DLEU7: variants seen among roughly 807,000 people sequenced by gnomAD.
DLEU7 encodes leukemia-associated protein 7.
In DLEU7, 17 loss-of-function variants were observed where a neutral mutation model predicts 16.0. The observed-to-expected ratio is 1.06, with a 90% confidence interval of 0.73 to 1.59. The LOEUF is 1.59. DLEU7 is among the 40% of genes most tolerant of loss of function. The pLI, the probability that DLEU7 is intolerant of heterozygous loss-of-function variation, is 0.00. For synonymous variants in DLEU7, 113 were observed against 139.8 expected (o/e 0.81, Z 1.35); for missense variants, 308 against 314.9 (o/e 0.98, Z 0.17).
At position 50,843,060 on chromosome 13, in the gene DLEU7, G is replaced by A; in HGVS notation, c.459+128C>T. The A allele has an allele frequency of 2.1e-6, 2 of 958,432 alleles. No individual in the cohort carries two copies. Among genetic ancestry groups the A allele is most frequent in the Non-Finnish European group, 2.9e-6 (2 of 683,440 alleles). The allele number at this position is 958,432 out of a possible 1,614,324, so 59.4% of individuals were successfully genotyped here. ...CCCCGCCCCCTTCCTTCTCCCACTGGGGCTGAATCACAGTGGGCAGCAGTG... is the reference window on the plus strand; with the variant it reads ...CCCCGCCCCCTTCCTTCTCCCACTGAGGCTGAATCACAGTGGGCAGCAGTG... On this transcript the variant is annotated intron_variant, in intron 1 of 1. Transcript: ENST00000504404. The surrounding 1 kb of genome is among the most constrained non-coding windows in gnomAD (Gnocchi z 5.7).
chr13:50,843,444 C>A lies in DLEU7; in HGVS notation c.203G>T (p.Arg68Leu). 1 of 1,325,478 alleles carries A rather than the reference C, an allele frequency of 7.5e-7. No individual in the cohort carries two copies. Among genetic ancestry groups the A allele is most frequent in the South Asian group, 2.2e-5 (1 of 45,656 alleles). The allele number at this position is 1,325,478 out of a possible 1,614,324, so 82.1% of individuals were successfully genotyped here. A position where few individuals can be genotyped will look rare whatever the true frequency, so the allele number is the denominator to read the frequency against. ...ACTCCTGGTCCCCACGCCCCCGCCC[C>A]GCTCCTCGCGCCCGGGCCCCGGCCG... The part of the protein sequence containing the change: ...RARPGPGREE[R>L]GGGVGTRSRR... The change falls in exon 1 of 2, where the codon CGG (arginine) becomes CTG (leucine). Residue 68 changes from arginine to leucine, a missense_variant. Physicochemically the swap from Arg to Leu is moderately radical, Grantham distance 102 (BLOSUM62 -2). Transcript: ENST00000504404. The surrounding 1 kb of genome is among the most constrained non-coding windows in gnomAD (Gnocchi z 5.7).
intron 1 of DLEU7, among the ~76,000 whole-genome samples, chr13:50,760,771 G>A (rs888063477): frequency 6.6e-6 from 1 of 152,116 alleles, no homozygotes; most frequent in Admixed American, 6.5e-5. Flanking sequence ...TTCATATATT[G>A]TTTATAAATT....
chr13:50,823,552 T>C (rs1487482938), intron 1 of DLEU7, 32 bp from the exon 2 acceptor site: 2 of 1,533,606 alleles, frequency 1.3e-6, no homozygotes, highest in Middle Eastern at 1.7e-4. Flanking sequence ...AACAAGAAAT[T>C]AGATAGGTTA....
chr13:50,719,640 T>C (rs912158783), intron 1 of DLEU7: 6 of 152,202 alleles, frequency 3.9e-5, no homozygotes, highest in Admixed American at 2.6e-4. Context: ...CTCTTTTCTC[T>C]GTGTAGGTTT....
chr13:50,792,586 T>G (rs1175394560), intron 1 of DLEU7, among the ~76,000 whole-genome samples: 1 of 151,968 alleles, frequency 6.6e-6, no homozygotes, highest in Non-Finnish European at 1.5e-5. Context: ...TCTCTTCTTC[T>G]CTATTCACTT....
chr13:50,738,810 T>C (rs1874157094), intron 1 of DLEU7, among the ~76,000 whole-genome samples: 1 of 152,058 alleles, frequency 6.6e-6, no homozygotes, highest in Admixed American at 6.6e-5. Flanking sequence ...GTATCTGAGG[T>C]GTACTGTGTT....
chr13:50,823,158 G>A lies in DLEU7; in HGVS notation c.*156C>T. 1 of 1,422,982 alleles carries A rather than the reference G, an allele frequency of 7.0e-7. No individual in the cohort carries two copies. The highest frequency in any genetic ancestry group is 1.6e-5 in the South Asian group (1 of 63,554). The allele number at this position is 1,422,982 out of a possible 1,614,324, so 88.1% of individuals were successfully genotyped here. On this transcript the variant is annotated 3_prime_UTR_variant, in exon 2 of 2. Transcript: ENST00000504404. ...TCATTAACATGCTATAATCCCGAAG[G>A]CTACAGATGCCACTGGTCAGACTGC...
At chr13:50,795,238 G>A (rs7996996) in intron 1 of DLEU7, among the ~76,000 whole-genome samples, 64,026 of 151,836 alleles carry the variant, frequency 0.42, 13,793 homozygotes, top group African/African-American at 0.52. Context: ...ATTTTTTTCA[G>A]CCAAACAGAT....
chr13:50,782,280 A>G (rs896246528), intron 1 of DLEU7, among the ~76,000 whole-genome samples: 1 of 152,214 alleles, frequency 6.6e-6, no homozygotes, highest in Non-Finnish European at 1.5e-5. Context: ...AACAAAAGCC[A>G]TTTCCAATAA....
In DLEU7 at chr13:50,823,024, A is replaced by G. The variant is rs1340869338; in HGVS notation, c.*290T>C. On this transcript the variant is annotated 3_prime_UTR_variant, in exon 2 of 2. Coordinates refer to ENST00000504404, the MANE Select transcript of DLEU7 (RefSeq NM_001306135.2). ...ATAAAAACTAATAATATGAATAAATATATACATACATAATCAAATCAGCTT... is the reference window on the plus strand; with the variant it reads ...ATAAAAACTAATAATATGAATAAATGTATACATACATAATCAAATCAGCTT... 1.0e-6 allele frequency: 1 copy of G among 975,464 alleles called. No homozygotes were observed. Among genetic ancestry groups the G allele is most frequent in the Non-Finnish European group, 1.3e-6 (1 of 787,642 alleles). 60.4% of individuals were successfully genotyped at this position (975,464 alleles called of 1,614,324 possible). A position where few individuals can be genotyped will look rare whatever the true frequency, so the allele number is the denominator to read the frequency against.
intron 1 of DLEU7, among the ~76,000 whole-genome samples, chr13:50,739,537 C>G (rs915988175): frequency 2.0e-5 from 3 of 152,146 alleles, no homozygotes; most frequent in South Asian, 2.1e-4. Context: ...AGAAGAGAAA[C>G]AGAGACATGG....
intron 1 of DLEU7, among the ~76,000 whole-genome samples, chr13:50,716,031 G>A (rs1413299132): frequency 6.6e-6 from 1 of 152,234 alleles, no homozygotes; most frequent in African/African-American, 2.4e-5. Context: ...GACTGAACTG[G>A]ACCTTCAAGA....
chr13:50,802,098 G>A (rs1876265031), intron 1 of DLEU7, among the ~76,000 whole-genome samples: 1 of 79,240 alleles, frequency 1.3e-5, no homozygotes, highest in Non-Finnish European at 2.2e-5. Context: ...AAGGCAAAAT[G>A]AACAAGGGAG....
At position 50,760,401 on chromosome 13, in the gene DLEU7, G is replaced by T. The variant is rs140386096; in HGVS notation, c.460-47161C>A. 3.7e-3 allele frequency among the ~76,000 whole-genome samples: 566 copies of T among 152,212 alleles called. 16 individuals carry two copies. The East Asian group carries it at 0.052, about 14-fold the overall frequency. ...GGCAGGGACAGGGTCTCACTCTGTT[G>T]CCCAGGCTGGAGTTCACTGGCATGA... On this transcript the variant is annotated intron_variant, in intron 1 of 1. Coordinates refer to the DLEU7 transcript ENST00000400393.
At chr13:50,835,978 T>A (rs1877444944) in intron 1 of DLEU7, among the ~76,000 whole-genome samples, 1 of 152,160 alleles carries the variant, frequency 6.6e-6, no homozygotes, top group Non-Finnish European at 1.5e-5. Context: ...GATAATAAAG[T>A]CAAAAACCCA....
intron 1 of DLEU7, among the ~76,000 whole-genome samples, chr13:50,761,303 G>A (rs899169057): frequency 6.6e-6 from 1 of 152,136 alleles, no homozygotes; most frequent in East Asian, 1.9e-4. Context: ...CGGCAGCAGT[G>A]GTTTGTCAAA....
At chr13:50,713,058 C>T (rs1873341312) in exon 2 of DLEU7, 2 of 718,028 alleles carry the variant, frequency 2.8e-6, no homozygotes, top group African/African-American at 1.8e-5. Context: ...CCACAGAGAC[C>T]ATGCAATTGG....
At chr13:50,717,680 C>G (rs1405364181) in intron 1 of DLEU7, among the ~76,000 whole-genome samples, 2 of 151,830 alleles carry the variant, frequency 1.3e-5, no homozygotes, top group Non-Finnish European at 2.9e-5. Flanking sequence ...ACACCTAGCC[C>G]TAATGCCAAG....
chr13:50,791,028 C>A (rs981467088), intron 1 of DLEU7, among the ~76,000 whole-genome samples: 3 of 152,088 alleles, frequency 2.0e-5, no homozygotes, highest in Admixed American at 2.0e-4. Flanking sequence ...TGTAAGAAGA[C>A]CGAGTGGGCG....
Sources: allele counts gnomAD v4.1 joint callset (sites outside exome capture counted in the v4.1 genomes callset), GRCh38; gene constraint gnomAD v4.1.1; non-coding constraint Gnocchi (gnomAD v3.1); transcripts MANE v1.5; gene names NCBI Gene and HGNC (gene_info 2026-07-23, HGNC 2026-07-21).